CLCN5: variants seen among roughly 807,000 people sequenced by gnomAD.
CLCN5 encodes the protein H(+)/Cl(-) exchange transporter 5.
In CLCN5, 17 loss-of-function variants were observed where a neutral mutation model predicts 54.0. The observed-to-expected ratio is 0.31, with a 90% CI of 0.22 to 0.47. The LOEUF (loss-of-function observed/expected upper bound fraction) is 0.47. Ranked by LOEUF, CLCN5 falls within the 20% of genes least tolerant of loss-of-function variation. The pLI is 1.00. For synonymous variants in CLCN5, 222 were observed against 233.0 expected, an observed-to-expected ratio of 0.95 and a Z score of 0.43; for missense variants, 448 against 646.7, an observed-to-expected ratio of 0.69 and a Z score of 3.33.
chrX:50,005,707 A>G (rs954913868), intron 3 of CLCN5, among the ~76,000 whole-genome samples: 2 of 111,826 alleles, frequency 1.8e-5, no homozygotes, highest in Middle Eastern at 4.6e-3. Flanking sequence ...AGCTTCTTCA[A>G]ATTGGTTCCT....
At chrX:50,040,305 G>GCACCCATTTGATCCA (rs1196751153) in intron 3 of CLCN5, among the ~76,000 whole-genome samples, 1 of 111,668 alleles carries the variant, frequency 9.0e-6, no homozygotes, top group Non-Finnish European at 1.9e-5. Flanking sequence ...TAGTATCCCA[G>GCACCCATTTGATCCA]CACCCATTTG....
chrX:49,934,819 C>T (rs1018041251), intron 3 of CLCN5, among the ~76,000 whole-genome samples: 6 of 111,745 alleles, frequency 5.4e-5, no homozygotes, highest in South Asian at 3.8e-4. Context: ...TAAGTTACAT[C>T]GTTGACATCT....
intron 3 of CLCN5, among the ~76,000 whole-genome samples, chrX:49,942,147 A>G (rs1392358528): frequency 2.3e-4 from 10 of 43,583 alleles, no homozygotes; most frequent in Admixed American, 1.8e-3. Flanking sequence ...ATTAATGTTA[A>G]ATTAGAATGA....
rs1333837105 is a variant in CLCN5, at chrX:49,927,733, T to G, written c.16+2419T>G. Among the ~76,000 whole-genome samples, 3 of 112,310 alleles carry G rather than the reference T, an allele frequency of 2.7e-5. No individual in the cohort carries two copies. The Admixed American group carries it at 2.8e-4, about 11-fold the overall frequency. ...ATGTATATTGCAGCACTACTCACAATAGCCAAGATAGGAAATCAACTTAAG... is the reference window on the plus strand; with the variant it reads ...ATGTATATTGCAGCACTACTCACAAGAGCCAAGATAGGAAATCAACTTAAG... On this transcript the variant is annotated intron_variant, in intron 3 of 14. Transcript: ENST00000376091.
At chrX:50,066,202 CA>C (rs781827477) in intron 4 of CLCN5, among the ~76,000 whole-genome samples, 118 of 65,245 alleles carry the variant, frequency 1.8e-3, no homozygotes, top group Admixed American at 2.1e-3. Flanking sequence ...AATTCCAGAG[CA>C]AAAAAAAAAA....
chrX:50,096,231 G>A lies in CLCN5; in HGVS notation c.*4012G>A, dbSNP rs984317222. 2 of 111,637 alleles carry A rather than the reference G, an allele frequency of 1.8e-5. No homozygotes were observed. Among genetic ancestry groups the A allele is most frequent in the Non-Finnish European group, 3.8e-5 (2 of 53,153 alleles). 9.2% of individuals were successfully genotyped at this position (111,637 alleles called of 1,213,427 possible). A position where few individuals can be genotyped will look rare whatever the true frequency, so the allele number is the denominator to read the frequency against. ...TAGGAATTTAGAAAGTAAGTGGGAGGTAGAATATTGAGTCCTTTTTTAAAA... is the reference window on the plus strand; with the variant it reads ...TAGGAATTTAGAAAGTAAGTGGGAGATAGAATATTGAGTCCTTTTTTAAAA... On this transcript the variant is annotated 3_prime_UTR_variant, in exon 15 of 15. Transcript: ENST00000376091.
At chrX:50,009,870 G>A in intron 3 of CLCN5, 2 of 363,435 alleles carry the variant, frequency 5.5e-6, no homozygotes, top group Non-Finnish European at 5.6e-6. Context: ...TTGCCTGCCT[G>A]CTCTCTGACC....
At chrX:50,063,961 C>T (rs1193060551) in intron 4 of CLCN5, among the ~76,000 whole-genome samples, 1 of 108,747 alleles carries the variant, frequency 9.2e-6, no homozygotes, top group Non-Finnish European at 1.9e-5. Context: ...ATTCAACAAC[C>T]CTTCATGCTA....
intron 3 of CLCN5, among the ~76,000 whole-genome samples, chrX:49,926,407 T>A (rs1444890578): frequency 8.9e-6 from 1 of 112,458 alleles, no homozygotes; most frequent in African/African-American, 3.2e-5. Flanking sequence ...GCTAGAAGAT[T>A]CCTTGTCATC....
In CLCN5 at chrX:49,927,147, C is replaced by T. The variant is rs929862070; in HGVS notation, c.16+1833C>T. 4.5e-5 allele frequency among the ~76,000 whole-genome samples: 5 copies of T among 111,601 alleles called. No homozygotes were observed. The East Asian group carries it at 1.1e-3, about 25-fold the overall frequency. On this transcript the variant is annotated intron_variant, in intron 3 of 14. Coordinates refer to ENST00000376091, the MANE Select transcript of CLCN5 (RefSeq NM_001127898.4). The stretch of plus-strand genomic sequence containing the variant: ...TGAAAGTACAGAACTGATATTGGCA[C>T]AGATGGGGATCTAAAGTTTTGTTCC...
At chrX:49,981,216 A>G (rs1201996136) in intron 3 of CLCN5, among the ~76,000 whole-genome samples, 2 of 111,903 alleles carry the variant, frequency 1.8e-5, no homozygotes, top group East Asian at 5.6e-4. Context: ...ACATTTATTA[A>G]AAGTTTTTTT....
intron 4 of CLCN5, among the ~76,000 whole-genome samples, chrX:50,057,843 C>T (rs187386179): frequency 5.5e-5 from 6 of 109,919 alleles, no homozygotes; most frequent in South Asian, 8.1e-4. Context: ...TCAGGGCTTC[C>T]GCTGTAATGT....
chrX:50,046,131 T>C (rs1476201921), intron 4 of CLCN5, among the ~76,000 whole-genome samples: 1 of 112,017 alleles, frequency 8.9e-6, no homozygotes, highest in African/African-American at 3.2e-5. Context: ...AACATAAACA[T>C]AGAGATGTGA....
chrX:50,032,017 A>G (rs782096537), intron 3 of CLCN5, among the ~76,000 whole-genome samples: 12 of 108,121 alleles, frequency 1.1e-4, no homozygotes, highest in South Asian at 4.2e-4. Flanking sequence ...ATGATTTCCA[A>G]TTTCATCCAT....
intron 3 of CLCN5, among the ~76,000 whole-genome samples, chrX:50,036,635 A>C (rs954084304): frequency 1.1e-4 from 12 of 112,140 alleles, no homozygotes; most frequent in African/African-American, 3.9e-4. Flanking sequence ...GCCAGAGATA[A>C]GTTATTTTTG....
chrX:49,936,170 T>TC (rs1373546551), intron 3 of CLCN5, among the ~76,000 whole-genome samples: 1 of 111,445 alleles, frequency 9.0e-6, no homozygotes, highest in Non-Finnish European at 1.9e-5. Context: ...AGGAACCACA[T>TC]CCCCCCAACC....
intron 3 of CLCN5, among the ~76,000 whole-genome samples, chrX:50,007,957 A>G (rs1930287311): frequency 8.9e-6 from 1 of 112,000 alleles, no homozygotes; most frequent in Non-Finnish European, 1.9e-5. Flanking sequence ...TTTCCACTAC[A>G]TTAGTGATTC....
intron 6 of CLCN5, 77 bp downstream of exon 6, chrX:50,072,665 C>A (rs1035055157): frequency 1.4e-5 from 10 of 737,475 alleles, no homozygotes. Context: ...TGAGCTGAGT[C>A]ACGTACTGTG....
intron 3 of CLCN5, among the ~76,000 whole-genome samples, chrX:49,930,314 AAT>A (rs1262999108): frequency 2.7e-5 from 3 of 112,160 alleles, no homozygotes; most frequent in Admixed American, 9.5e-5. Context: ...AGCTTTAAAA[AAT>A]ATGTTTACCT....
Sources: allele counts gnomAD v4.1 joint callset (sites outside exome capture counted in the v4.1 genomes callset), GRCh38; gene constraint gnomAD v4.1.1; transcripts MANE v1.5; gene names NCBI Gene and HGNC (gene_info 2026-07-23, HGNC 2026-07-21).